Variants in KIAA1217 observed in about 807,000 individuals in gnomAD.
KIAA1217 encodes the protein KIAA1217.
Under a neutral mutation model 163.9 loss-of-function variants are expected in KIAA1217, and 88 were observed. The ratio of observed to expected loss-of-function variants is 0.54; its 90% CI spans 0.45 to 0.64. The LOEUF is 0.64. Ranked by LOEUF, KIAA1217 falls within the 30% of genes least tolerant of loss-of-function variation. KIAA1217 has a pLI of 0.00. For missense variants in KIAA1217, 2,372 were observed against 2,475.0 expected (o/e 0.96, Z 0.88); for synonymous variants, 903 against 923.1 (o/e 0.98, Z 0.39).
At chr10:24,530,329 G>A (rs1489369659) in intron 14 of KIAA1217, among the ~76,000 whole-genome samples, 2 of 150,840 alleles carry the variant, frequency 1.3e-5, no homozygotes, top group African/African-American at 2.4e-5. Flanking sequence ...TAGTTAAAAT[G>A]CTCTTGTTTT....
In KIAA1217 at chr10:24,167,443, T is replaced by C. The variant is rs903340207; in HGVS notation, c.-170-52183T>C. ...TGTTGGTAACAGCACAAACTCAGGA[T>C]GTCTTTATCTTTCCTGTAGTTCTCT... is the stretch of plus-strand genomic sequence containing the variant. On this transcript the variant is annotated intron_variant, in intron 2 of 18. Coordinates refer to the KIAA1217 transcript ENST00000376462. 1.4e-4 allele frequency among the ~76,000 whole-genome samples: 22 copies of C among 152,062 alleles called. 1 individual carries two copies. Among genetic ancestry groups the C allele is most frequent in the African/African-American group, 2.4e-5 (1 of 41,414 alleles).
At chr10:24,068,941 A>C (rs1332231594) in intron 2 of KIAA1217, among the ~76,000 whole-genome samples, 1 of 152,222 alleles carries the variant, frequency 6.6e-6, no homozygotes, top group East Asian at 1.9e-4. Flanking sequence ...TCAGGCATGT[A>C]GAATTATCTA....
intron 3 of KIAA1217, among the ~76,000 whole-genome samples, chr10:24,398,701 G>A (rs2056157055): frequency 6.6e-6 from 1 of 152,126 alleles, no homozygotes; most frequent in Admixed American, 6.5e-5. Flanking sequence ...CCGCCCGCAT[G>A]CACAGTGACC....
chr10:23,734,333 C>G (rs572656668), intron 1 of KIAA1217, among the ~76,000 whole-genome samples: 4 of 149,652 alleles, frequency 2.7e-5, no homozygotes, highest in Non-Finnish European at 5.9e-5. Context: ...GTGGCCCAGG[C>G]TGGAGTGCAG....
In KIAA1217 at chr10:24,495,119, T is replaced by C. The variant is rs780751655; in HGVS notation, c.1785-28T>C. 60 of 1,588,320 alleles carry C rather than the reference T, an allele frequency of 3.8e-5. 1 individual carries two copies. In the South Asian group the frequency reaches 4.8e-4, roughly 13 times the overall value. ...AAAAAAAGGCATTTTGGAAACTGCA[T>C]AGCTGACTCTCTTTTTCTTTTATTC... On this transcript the variant is annotated intron_variant, in intron 7 of 20. Transcript: ENST00000376454.
Position 24,313,143 on chromosome 10 carries a change from C to T in KIAA1217, c.355-67726C>T, listed in dbSNP as rs546316509. ...TGATGGTATCCTTCTCTCTCCTCAC[C>T]GCGATCTCTTCCAGTTAACTGCTGA... On this transcript the variant is annotated intron_variant, in intron 2 of 20. Coordinates refer to ENST00000376454, the MANE Select transcript of KIAA1217 (RefSeq NM_019590.5). Among the ~76,000 whole-genome samples the T allele has an allele frequency of 1.1e-4, 16 of 152,226 alleles. No homozygotes were observed. The South Asian group carries it at 1.2e-3, about 12-fold the overall frequency.
intron 1 of KIAA1217, among the ~76,000 whole-genome samples, chr10:23,754,174 A>G (rs1319668436): frequency 6.6e-6 from 1 of 152,224 alleles, no homozygotes; most frequent in Non-Finnish European, 1.5e-5. Flanking sequence ...GACACTCAAT[A>G]TTTGTTAAAC....
chr10:24,418,387 G>A (rs2058443383), intron 3 of KIAA1217, among the ~76,000 whole-genome samples: 1 of 152,046 alleles, frequency 6.6e-6, no homozygotes, highest in African/African-American at 2.4e-5. Context: ...CCCAACTTGA[G>A]GACCAAACAG....
intron 2 of KIAA1217, among the ~76,000 whole-genome samples, chr10:24,344,218 C>G (rs566609277): frequency 2.3e-4 from 35 of 152,294 alleles, no homozygotes; most frequent in African/African-American, 7.7e-4. Flanking sequence ...TTAAAAATAG[C>G]ATCTAGAAGG....
In KIAA1217 at chr10:24,408,766, G is replaced by T. The variant is rs139694562; in HGVS notation, c.554-24229G>T. The stretch of plus-strand genomic sequence containing the variant: ...TCAAACACCATCTTATCTGAAGAAG[G>T]GCTCTCTGGCCACAATCTCTGAAAT... On this transcript the variant is annotated intron_variant, in intron 3 of 20. Transcript: ENST00000376454. 4.3e-3 allele frequency among the ~76,000 whole-genome samples: 653 copies of T among 152,222 alleles called. 1 individual carries two copies. Among genetic ancestry groups the T allele is most frequent in the African/African-American group, 0.015 (607 of 41,536 alleles).
At chr10:24,469,276 A>G (rs985597869) in intron 5 of KIAA1217, among the ~76,000 whole-genome samples, 1 of 151,394 alleles carries the variant, frequency 6.6e-6, no homozygotes, top group African/African-American at 2.4e-5. Flanking sequence ...AGGCGCATGC[A>G]CTGCGCCTGG....
intron 2 of KIAA1217, among the ~76,000 whole-genome samples, chr10:24,093,161 T>TTTTA (rs930777478): frequency 2.2e-4 from 34 of 151,142 alleles, no homozygotes; most frequent in Non-Finnish European, 4.0e-4. Flanking sequence ...GCCCAGTTAT[T>TTTTA]TTTATTTATT....
At position 24,351,570 on chromosome 10, in the gene KIAA1217, C is replaced by T. The variant is rs553412971; in HGVS notation, c.355-29299C>T. On this transcript the variant is annotated intron_variant, in intron 2 of 20. Coordinates refer to ENST00000376454, the MANE Select transcript of KIAA1217 (RefSeq NM_019590.5). ...GAGCCAGGGAGAATACAGGACTTTTCTTCACCTTGGGTTGAGGCAGAACTC... is the reference window on the plus strand; with the variant it reads ...GAGCCAGGGAGAATACAGGACTTTTTTTCACCTTGGGTTGAGGCAGAACTC... Among the ~76,000 whole-genome samples the T allele has an allele frequency of 1.2e-4, 19 of 152,316 alleles. No individual in the cohort carries two copies. The East Asian group carries it at 3.7e-3, about 29-fold the overall frequency.
At chr10:24,532,845 G>A (rs1021274372) in intron 15 of KIAA1217, among the ~76,000 whole-genome samples, 1 of 152,108 alleles carries the variant, frequency 6.6e-6, no homozygotes, top group African/African-American at 2.4e-5. Context: ...GAATGTTGAG[G>A]AGTTCCAATT....
intron 3 of KIAA1217, among the ~76,000 whole-genome samples, chr10:24,422,056 T>C (rs546319805): frequency 2.0e-5 from 3 of 152,106 alleles, no homozygotes; most frequent in East Asian, 3.9e-4. Flanking sequence ...AAATGAGGAG[T>C]AAAGTCACAT....
intron 1 of KIAA1217, among the ~76,000 whole-genome samples, chr10:23,700,442 T>A (rs1836365187): frequency 6.6e-6 from 1 of 151,864 alleles, no homozygotes; most frequent in South Asian, 2.1e-4. Context: ...TACTAACACA[T>A]AAGGCAAATA....
chr10:23,997,534 T>C (rs958793774), intron 1 of KIAA1217, among the ~76,000 whole-genome samples: 1 of 152,190 alleles, frequency 6.6e-6, no homozygotes, highest in Non-Finnish European at 1.5e-5. Context: ...AAAAATAATT[T>C]GTGGTAGGTA....
chr10:24,133,099 G>GA lies in KIAA1217; in HGVS notation c.-170-86523dup, dbSNP rs577082234. On this transcript the variant is annotated intron_variant, in intron 2 of 18. Coordinates refer to the KIAA1217 transcript ENST00000376462. ...AAAAAAAAAATGGAACCTCAGGAGA[G>GA]AAAACCTTTAAGTGGAGCCTAGATC... Among the ~76,000 whole-genome samples, 370 of 151,860 alleles carry GA rather than the reference G, an allele frequency of 2.4e-3. 3 individuals are homozygous for GA. In the South Asian group the frequency reaches 0.028, roughly 11 times the overall value.
At chr10:23,808,946 G>A (rs1369356806) in intron 1 of KIAA1217, among the ~76,000 whole-genome samples, 1 of 152,064 alleles carries the variant, frequency 6.6e-6, no homozygotes, top group African/African-American at 2.4e-5. Flanking sequence ...CCGTAACAAG[G>A]AAGGGATGTT....
Sources: gnomAD v4.1 joint callset for allele counts (sites outside exome capture counted in the v4.1 genomes callset) on GRCh38, gnomAD v4.1.1 for gene constraint, MANE v1.5 for transcripts, NCBI Gene and HGNC (gene_info 2026-07-23, HGNC 2026-07-21) for gene names.